Variants in ZNRF1 observed in about 807,000 individuals in gnomAD.
ZNRF1 encodes E3 ubiquitin-protein ligase ZNRF1.
Under a neutral mutation model 18.4 loss-of-function variants are expected in ZNRF1, and 3 were observed. The observed-to-expected ratio is 0.16, with a 90% CI of 0.07 to 0.42. The LOEUF is 0.42. ZNRF1 is among the 10% of genes least tolerant of loss of function. The probability of loss-of-function intolerance (pLI) is 0.99; values close to 1 mark genes in which losing one functional copy is unlikely to be tolerated. For synonymous variants in ZNRF1, 157 were observed against 144.2 expected (o/e 1.09, Z -0.64); for missense variants, 310 against 329.8 (o/e 0.94, Z 0.47).
intron 1 of ZNRF1, among the ~76,000 whole-genome samples, chr16:75,006,943 A>G (rs1318717713): frequency 1.3e-5 from 2 of 152,164 alleles, no homozygotes; most frequent in Non-Finnish European, 2.9e-5. Flanking sequence ...TGAATCCAGC[A>G]GTTGGGTTTC....
At chr16:75,004,486 G>A (rs1398128347) in intron 1 of ZNRF1, among the ~76,000 whole-genome samples, 1 of 152,190 alleles carries the variant, frequency 6.6e-6, no homozygotes, top group Non-Finnish European at 1.5e-5. Flanking sequence ...GCTGGCCATT[G>A]AGGGCTTCAC....
intron 1 of ZNRF1, among the ~76,000 whole-genome samples, chr16:75,067,736 G>T (rs1319318229): frequency 6.6e-6 from 1 of 152,126 alleles, no homozygotes; most frequent in African/African-American, 2.4e-5. Flanking sequence ...GATAATGTTA[G>T]GAGAATTGAC....
At chr16:75,047,577 T>A (rs1363744652) in intron 1 of ZNRF1, among the ~76,000 whole-genome samples, 3 of 152,252 alleles carry the variant, frequency 2.0e-5, no homozygotes, top group African/African-American at 7.2e-5. Context: ...GTTATTGGCA[T>A]GTGGAGGAGT....
At chr16:75,074,013 A>G (rs550551961) in intron 1 of ZNRF1, among the ~76,000 whole-genome samples, 9 of 152,178 alleles carry the variant, frequency 5.9e-5, no homozygotes, top group African/African-American at 2.2e-4. Context: ...TTGCAGTGCT[A>G]CCACCCGGAG....
chr16:75,087,244 A>G (rs2036084801), intron 1 of ZNRF1, among the ~76,000 whole-genome samples: 1 of 152,162 alleles, frequency 6.6e-6, no homozygotes, highest in African/African-American at 2.4e-5. Context: ...GATGCACATG[A>G]CCACATCAGC....
intron 1 of ZNRF1, among the ~76,000 whole-genome samples, chr16:75,055,882 C>T (rs984206100): frequency 6.6e-5 from 10 of 152,146 alleles, no homozygotes; most frequent in Non-Finnish European, 1.0e-4. Context: ...CTTGAAGGAC[C>T]AAGAGGGTCT....
At chr16:75,079,334 G>A (rs567208321) in intron 1 of ZNRF1, among the ~76,000 whole-genome samples, 10 of 152,114 alleles carry the variant, frequency 6.6e-5, no homozygotes, top group Non-Finnish European at 1.0e-4. Context: ...ACAAAAATTC[G>A]CTGGGCATGG....
At chr16:75,035,749 G>T (rs541975865) in intron 1 of ZNRF1, among the ~76,000 whole-genome samples, 2 of 152,268 alleles carry the variant, frequency 1.3e-5, no homozygotes, top group African/African-American at 2.4e-5. Context: ...GTCCGCATGC[G>T]CAGTGGCCGC....
chr16:75,058,541 A>G (rs2035697761), intron 1 of ZNRF1, among the ~76,000 whole-genome samples: 1 of 152,344 alleles, frequency 6.6e-6, no homozygotes, highest in East Asian at 1.9e-4. Flanking sequence ...TAAAGATGGG[A>G]CAACTACTCT....
chr16:75,035,530 GAC>G (rs2035366595), intron 1 of ZNRF1, among the ~76,000 whole-genome samples: 1 of 152,148 alleles, frequency 6.6e-6, no homozygotes, highest in Non-Finnish European at 1.5e-5. Flanking sequence ...CAGAAGGAGA[GAC>G]TGAAGCAAAT....
rs529997824 is a variant in ZNRF1 at position 75,096,437 on chromosome 16, G to C, written c.520+2770G>C. Among the ~76,000 whole-genome samples the C allele has an allele frequency of 9.9e-5, 15 of 152,260 alleles. No homozygotes were observed. In the East Asian group the frequency reaches 2.9e-3, roughly 29 times the overall value. On this transcript the variant is annotated intron_variant, in intron 2 of 4. Coordinates refer to ENST00000335325, the MANE Select transcript of ZNRF1 (RefSeq NM_032268.5). ...ACAGACCGTGGGCCAAAGCTCAGGA[G>C]CTCCAATGTATTCCCCATGATTTGT...
At chr16:75,029,798 C>G (rs908918063) in intron 1 of ZNRF1, among the ~76,000 whole-genome samples, 1 of 147,776 alleles carries the variant, frequency 6.8e-6, no homozygotes, top group South Asian at 2.2e-4. Context: ...TTTATTGAGG[C>G]TGGGTGTGGG....
intron 1 of ZNRF1, among the ~76,000 whole-genome samples, chr16:75,012,199 A>G (rs1431566568): frequency 6.6e-6 from 1 of 152,254 alleles, no homozygotes; most frequent in Non-Finnish European, 1.5e-5. Flanking sequence ...GGACAGCAGA[A>G]TAGAACAGAG....
intron 1 of ZNRF1, among the ~76,000 whole-genome samples, chr16:75,036,440 T>G (rs1022459729): frequency 3.9e-5 from 6 of 152,204 alleles, no homozygotes; most frequent in Non-Finnish European, 2.9e-5. Flanking sequence ...TTGATGTTGC[T>G]TTTTAATCCA....
At chr16:75,069,178 A>G (rs1014500545) in intron 1 of ZNRF1, among the ~76,000 whole-genome samples, 1 of 151,472 alleles carries the variant, frequency 6.6e-6, no homozygotes, top group Non-Finnish European at 1.5e-5. Context: ...TCAGAAAAGA[A>G]AAAAAAAAGG....
chr16:75,020,850 C>G (rs762324405), intron 1 of ZNRF1, among the ~76,000 whole-genome samples: 5 of 151,494 alleles, frequency 3.3e-5, no homozygotes, highest in African/African-American at 7.3e-5. Flanking sequence ...CCCCTTCAGT[C>G]TTTTCTTAGA....
intron 1 of ZNRF1, among the ~76,000 whole-genome samples, chr16:75,060,075 G>A (rs1331651096): frequency 6.6e-6 from 1 of 151,370 alleles, no homozygotes; most frequent in Non-Finnish European, 1.5e-5. Context: ...TTTTTTTTGA[G>A]GCGAGTCTCA....
At chr16:75,029,136 A>ATTTTAT (rs371654322) in intron 1 of ZNRF1, among the ~76,000 whole-genome samples, 8,022 of 123,038 alleles carry the variant, frequency 0.065, 382 homozygotes, top group Admixed American at 0.13. Flanking sequence ...TTATTATTTT[A>ATTTTAT]TTTTATTTTT....
chr16:75,020,830 C>T (rs763621565), intron 1 of ZNRF1, among the ~76,000 whole-genome samples: 1 of 151,624 alleles, frequency 6.6e-6, no homozygotes, highest in Non-Finnish European at 1.5e-5. Context: ...GCGTGAGCCA[C>T]CGCGCCCGGC....
Sources: gnomAD v4.1 joint callset for allele counts (sites outside exome capture counted in the v4.1 genomes callset) on GRCh38, gnomAD v4.1.1 for gene constraint, MANE v1.5 for transcripts, NCBI Gene and HGNC (gene_info 2026-07-23, HGNC 2026-07-21) for gene names.